Variants in COX7A2L observed in about 807,000 individuals in gnomAD.
The protein encoded by COX7A2L is cytochrome c oxidase subunit 7A2 like, also known as cytochrome c oxidase subunit 7A2-like, mitochondrial.
A neutral mutation model predicts 14.2 loss-of-function variants in COX7A2L; 18 were observed. The ratio of observed to expected loss-of-function variants is 1.27; its 90% CI spans 0.88 to 1.88. COX7A2L has a LOEUF of 1.88. Ranked by LOEUF, COX7A2L falls within the 40% of genes most tolerant of loss-of-function variation. The pLI is 0.00. For synonymous variants in COX7A2L, 65 were observed against 57.4 expected, an observed-to-expected ratio of 1.13 and a Z score of -0.60; for missense variants, 179 against 138.8, an observed-to-expected ratio of 1.29 and a Z score of -1.46.
Position 42,351,179 on chromosome 2 carries a change from G to GTT in COX7A2L, c.*39_*40insAA. 6.4e-7 allele frequency: 1 copy of GTT among 1,561,370 alleles called. No homozygotes were observed. The highest frequency in any genetic ancestry group is 8.7e-7 in the Non-Finnish European group (1 of 1,153,736). ...TAACAATGAAAAAGGAACTTCAAAG[G>GTT]GTTTATGCCAAAAAACAAACCAGTC... On this transcript the variant is annotated 3_prime_UTR_variant, in exon 3 of 3. Coordinates refer to ENST00000234301, the MANE Select transcript of COX7A2L (RefSeq NM_004718.4).
intron 1 of COX7A2L, among the ~76,000 whole-genome samples, chr2:42,357,834 T>C (rs569355131): frequency 2.0e-4 from 31 of 152,210 alleles, no homozygotes; most frequent in Non-Finnish European, 3.8e-4. Context: ...CAAGTTGCTC[T>C]GCAACTTCCT....
rs375210414 is a variant in COX7A2L at position 42,353,156 on chromosome 2, A to G, written c.204+56T>C. On this transcript the variant is annotated intron_variant, in intron 2 of 2. Transcript: ENST00000234301. ...AGATTAAGATTTAGTTTCATAAGGG[A>G]TTTTTTAAGCCTATTTATTTCACAG... is the stretch of plus-strand genomic sequence containing the variant. 1.8e-5 allele frequency: 28 copies of G among 1,583,430 alleles called. No homozygotes were observed. The African/African-American group carries it at 3.7e-4, about 21-fold the overall frequency.
rs953263238 is a variant in COX7A2L at position 42,339,533 on chromosome 2, C to T, written c.193-5664G>A. 2.6e-5 allele frequency among the ~76,000 whole-genome samples: 4 copies of T among 152,184 alleles called. No homozygotes were observed. Among genetic ancestry groups the T allele is most frequent in the Non-Finnish European group, 4.4e-5 (3 of 68,020 alleles). ...CAACCTCCTTGAAACCCCCTCCTCT[C>T]CTGCCACCATTCCTCCTGGTTTCTT... On this transcript the variant is annotated intron_variant, in intron 2 of 2. Coordinates refer to the COX7A2L transcript ENST00000468711. The surrounding 1 kb of genome is among the most constrained non-coding windows in gnomAD (Gnocchi z 5.4).
chr2:42,353,754 G>C (rs1670726164), intron 1 of COX7A2L, among the ~76,000 whole-genome samples: 1 of 152,172 alleles, frequency 6.6e-6, no homozygotes, highest in Non-Finnish European at 1.5e-5. Flanking sequence ...ATGTGGAACA[G>C]GCTTACTGGT....
downstream of COX7A2L, among the ~76,000 whole-genome samples, chr2:42,348,914 C>T (rs1438910481): frequency 4.0e-5 from 6 of 151,650 alleles, no homozygotes; most frequent in Non-Finnish European, 8.8e-5. Flanking sequence ...AAGACTCCAT[C>T]TCAAAAGAAA....
At chr2:42,343,754 A>T (rs1235358428) in intron 2 of COX7A2L, among the ~76,000 whole-genome samples, 1 of 152,230 alleles carries the variant, frequency 6.6e-6, no homozygotes, top group African/African-American at 2.4e-5. Flanking sequence ...ACCATGAGGA[A>T]AATCAGAAGG....
chr2:42,359,429 C>T (rs1670944012), intron 1 of COX7A2L: 1 of 152,196 alleles, frequency 6.6e-6, no homozygotes, highest in African/African-American at 2.4e-5. Context: ...TTTGTCCAAA[C>T]TCATCAAACT....
At chr2:42,351,617 T>C (rs1670647678) in intron 2 of COX7A2L, among the ~76,000 whole-genome samples, 1 of 152,204 alleles carries the variant, frequency 6.6e-6, no homozygotes, top group South Asian at 2.1e-4. Flanking sequence ...TTATCACATA[T>C]TGCTTAACTG....
At chr2:42,340,790 C>CT (rs1670388412) in intron 2 of COX7A2L, among the ~76,000 whole-genome samples, 1 of 152,216 alleles carries the variant, frequency 6.6e-6, no homozygotes, top group Non-Finnish European at 1.5e-5. Flanking sequence ...CCACTGCACT[C>CT]TGACTGTGCT....
chr2:42,341,381 G>A (rs1301252756), intron 2 of COX7A2L, among the ~76,000 whole-genome samples: 1 of 152,152 alleles, frequency 6.6e-6, no homozygotes, highest in Non-Finnish European at 1.5e-5. Context: ...GTCCCACCTG[G>A]GCAGACCATG....
intron 2 of COX7A2L, among the ~76,000 whole-genome samples, chr2:42,343,311 C>T (rs1303408409): frequency 1.3e-5 from 2 of 152,240 alleles, no homozygotes; most frequent in African/African-American, 4.8e-5. Context: ...GCCATGTGGT[C>T]TATCAACCCT....
chr2:42,357,231 T>C (rs147419513), intron 1 of COX7A2L, among the ~76,000 whole-genome samples: 33 of 152,352 alleles, frequency 2.2e-4, no homozygotes, highest in African/African-American at 7.0e-4. Flanking sequence ...TTTTAAATGA[T>C]AGAAATGTAT....
chr2:42,337,190 G>A (rs536220453), intron 2 of COX7A2L, among the ~76,000 whole-genome samples: 1 of 152,216 alleles, frequency 6.6e-6, no homozygotes, highest in African/African-American at 2.4e-5. Flanking sequence ...CCTCCAAAAG[G>A]CTGAATCTCA....
upstream of COX7A2L, among the ~76,000 whole-genome samples, chr2:42,365,337 A>T (rs973210241): frequency 2.0e-5 from 3 of 152,218 alleles, no homozygotes; most frequent in African/African-American, 7.2e-5. Flanking sequence ...ACACAGAAAT[A>T]CAAAGTCGGT....
At chr2:42,359,887 G>C (rs1366219711) in intron 1 of COX7A2L, 1 of 148,946 alleles carries the variant, frequency 6.7e-6, no homozygotes, top group African/African-American at 2.5e-5. Context: ...TCTGAGATTA[G>C]AATCATCTGT....
intron 1 of COX7A2L, among the ~76,000 whole-genome samples, chr2:42,355,227 G>A (rs1670779632): frequency 6.6e-6 from 1 of 152,134 alleles, no homozygotes; most frequent in Admixed American, 6.5e-5. Context: ...GCAAACAGGG[G>A]CTCTACTATC....
chr2:42,337,723 C>G lies in COX7A2L; in HGVS notation c.193-3854G>C, dbSNP rs910611516. Among the ~76,000 whole-genome samples, 4 of 152,160 alleles carry G rather than the reference C, an allele frequency of 2.6e-5. No homozygotes were observed. The South Asian group carries it at 6.2e-4, about 24-fold the overall frequency. On this transcript the variant is annotated intron_variant, in intron 2 of 2. Coordinates refer to the COX7A2L transcript ENST00000468711. ...CATGGGACTCTTATTTTTGCAACTT[C>G]CTCAGAGTCTCAAAATAAAATATGT...
downstream of COX7A2L, among the ~76,000 whole-genome samples, chr2:42,347,307 C>CTTTTT (rs10718452): frequency 1.5e-5 from 2 of 135,050 alleles, no homozygotes; most frequent in South Asian, 2.4e-4. Flanking sequence ...AAACCAGCAC[C>CTTTTT]TTTTTTTTTT....
intron 1 of COX7A2L, among the ~76,000 whole-genome samples, chr2:42,367,669 G>A (rs977402365): frequency 3.9e-5 from 6 of 152,226 alleles, no homozygotes; most frequent in African/African-American, 2.4e-5. Context: ...CACGCCTGCC[G>A]TTAGCATGGC....
Sources: allele counts gnomAD v4.1 joint callset (sites outside exome capture counted in the v4.1 genomes callset), GRCh38; gene constraint gnomAD v4.1.1; non-coding constraint Gnocchi (gnomAD v3.1); transcripts MANE v1.5; gene names NCBI Gene and HGNC (gene_info 2026-07-23, HGNC 2026-07-21).